Variants in CFAP299 observed in about 807,000 individuals in gnomAD.
The protein encoded by CFAP299 is cilia and flagella associated protein 299.
CFAP299 carries 21 observed loss-of-function variants against 27.0 expected under a neutral mutation model. That is an observed-to-expected ratio of 0.78 (90% CI 0.55 to 1.12). CFAP299 has a LOEUF of 1.12. Among genes scored for constraint, CFAP299 ranks in the 50% most tolerant of loss-of-function variants. The probability of loss-of-function intolerance (pLI) is 0.00; values close to 1 mark genes in which losing one functional copy is unlikely to be tolerated. For synonymous variants in CFAP299, 104 were observed against 98.1 expected (o/e 1.06, Z -0.36); for missense variants, 310 against 276.6 (o/e 1.12, Z -0.86).
At chr4:80,447,131 T>TTTTTTTTTTTG (rs1728663742) in intron 2 of CFAP299, among the ~76,000 whole-genome samples, 7 of 103,788 alleles carry the variant, frequency 6.7e-5, no homozygotes, top group African/African-American at 2.9e-4. Context: ...TTTTTTTTTG[T>TTTTTTTTTTTG]TTTTTTTTTT....
intron 2 of CFAP299, among the ~76,000 whole-genome samples, chr4:80,472,965 A>G (rs959386350): frequency 6.6e-6 from 1 of 152,314 alleles, no homozygotes; most frequent in East Asian, 1.9e-4. Flanking sequence ...TACTCAATTC[A>G]TTGAATCATG....
chr4:80,346,524 A>C (rs1201681611), intron 1 of CFAP299, among the ~76,000 whole-genome samples: 1 of 152,188 alleles, frequency 6.6e-6, no homozygotes, highest in Non-Finnish European at 1.5e-5. Context: ...CCATTTATTA[A>C]ATAGGGAATC....
At chr4:80,346,704 C>CA (rs1722748055) in intron 1 of CFAP299, among the ~76,000 whole-genome samples, 1 of 152,132 alleles carries the variant, frequency 6.6e-6, no homozygotes, top group East Asian at 1.9e-4. Context: ...AGTCAGGTAG[C>CA]ATGATGCCTC....
At chr4:80,324,076 G>A in the CFAP299 span, among the ~76,000 whole-genome samples, 960 of 152,142 alleles carry the variant, frequency 6.3e-3, 11 homozygotes, top group Non-Finnish European at 6.1e-3. Flanking sequence ...CTATCAACCC[G>A]TCATCTAGGT....
chr4:80,800,570 T>A (rs532759298), intron 3 of CFAP299, among the ~76,000 whole-genome samples: 1 of 58,202 alleles, frequency 1.7e-5, no homozygotes, highest in African/African-American at 8.3e-5. Context: ...TATAATATAT[T>A]AATATAAATA....
intron 3 of CFAP299, among the ~76,000 whole-genome samples, chr4:80,646,878 C>T (rs1560675509): frequency 1.3e-5 from 2 of 152,006 alleles, no homozygotes; most frequent in East Asian, 1.9e-4. Flanking sequence ...AGTTTTAGAA[C>T]GTATTCTTCG....
chr4:80,569,463 A>G (rs1735472805), intron 2 of CFAP299, among the ~76,000 whole-genome samples: 1 of 152,126 alleles, frequency 6.6e-6, no homozygotes. Context: ...AGACAAAAGA[A>G]GAAAAAGTTT....
chr4:80,638,707 T>A (rs1414124656), intron 3 of CFAP299, among the ~76,000 whole-genome samples: 1 of 152,154 alleles, frequency 6.6e-6, no homozygotes, highest in Non-Finnish European at 1.5e-5. Flanking sequence ...CTCTTTTAGT[T>A]CCTGTTAAAT....
At chr4:80,702,009 T>C (rs2110028071) in intron 3 of CFAP299, among the ~76,000 whole-genome samples, 1 of 151,982 alleles carries the variant, frequency 6.6e-6, no homozygotes, top group African/African-American at 2.4e-5. Flanking sequence ...TTGTATGTGG[T>C]TGGAATGATA....
At chr4:80,393,180 C>A (rs1323094566) in intron 2 of CFAP299, among the ~76,000 whole-genome samples, 1 of 151,634 alleles carries the variant, frequency 6.6e-6, no homozygotes, top group African/African-American at 2.4e-5. Context: ...AGAAAAATGC[C>A]TATAGAATCA....
chr4:80,375,613 G>A (rs1037127319), intron 2 of CFAP299, among the ~76,000 whole-genome samples: 3 of 152,224 alleles, frequency 2.0e-5, no homozygotes, highest in Non-Finnish European at 4.4e-5. Flanking sequence ...AATTCAAAAC[G>A]TTAATTGAGA....
chr4:80,359,337 C>A (rs887865397), intron 1 of CFAP299, among the ~76,000 whole-genome samples: 17 of 152,062 alleles, frequency 1.1e-4, no homozygotes, highest in Non-Finnish European at 1.9e-4. Flanking sequence ...CTGGGGTTCT[C>A]TGCATTTTCT....
At chr4:80,564,366 T>A (rs1735180404) in intron 2 of CFAP299, among the ~76,000 whole-genome samples, 1 of 151,996 alleles carries the variant, frequency 6.6e-6, no homozygotes, top group Non-Finnish European at 1.5e-5. Flanking sequence ...GATGCAAAGA[T>A]GTTTCAACAT....
intron 2 of CFAP299, among the ~76,000 whole-genome samples, chr4:80,454,906 G>A (rs922787247): frequency 1.3e-5 from 2 of 152,160 alleles, no homozygotes; most frequent in Admixed American, 6.5e-5. Context: ...TCCGGTTGGA[G>A]ATGAAATCAT....
In CFAP299 at chr4:80,902,591, A is replaced by ACACG. The variant is rs1248727187; in HGVS notation, c.476+32459_476+32460insGCAC. Among the ~76,000 whole-genome samples, 504 of 142,614 alleles carry ACACG rather than the reference A, an allele frequency of 3.5e-3. 2 individuals carry two copies. Among genetic ancestry groups the ACACG allele is most frequent in the Non-Finnish European group, 6.0e-3 (390 of 65,128 alleles). The allele number at this position is 142,614 out of a possible 152,430, so 93.6% of individuals were successfully genotyped here. A position where few individuals can be genotyped will look rare whatever the true frequency, so the allele number is the denominator to read the frequency against. ...ATCCATATATATGTAATATATACAC[A>ACACG]CACACACACACACACACACACACAC... is the stretch of plus-strand genomic sequence containing the variant. On this transcript the variant is annotated intron_variant, in intron 4 of 5. Coordinates refer to ENST00000358105, the MANE Select transcript of CFAP299 (RefSeq NM_152770.3).
intron 4 of CFAP299, among the ~76,000 whole-genome samples, chr4:80,937,087 C>T (rs1736926408): frequency 6.6e-6 from 1 of 151,620 alleles, no homozygotes; most frequent in Admixed American, 6.6e-5. Flanking sequence ...TCTGTTTCTT[C>T]CTTCAGTTCT....
intron 3 of CFAP299, among the ~76,000 whole-genome samples, chr4:80,855,180 A>G (rs952809834): frequency 6.6e-6 from 1 of 152,108 alleles, no homozygotes; most frequent in African/African-American, 2.4e-5. Context: ...TAGAAAATAT[A>G]AACAAAATCA....
Position 80,810,248 on chromosome 4 carries a change from C to T in CFAP299, c.334-59745C>T, listed in dbSNP as rs183761980. Among the ~76,000 whole-genome samples, 40 of 151,832 alleles carry T rather than the reference C, an allele frequency of 2.6e-4. No individual in the cohort carries two copies. In the East Asian group the frequency reaches 6.4e-3, roughly 24 times the overall value. On this transcript the variant is annotated intron_variant, in intron 3 of 5. Coordinates refer to ENST00000358105, the MANE Select transcript of CFAP299 (RefSeq NM_152770.3). ...ACAACATACTATTCATATTTGTTAA[C>T]GTTCCCTACCCAGCCCTTGAAGGAA... is the stretch of plus-strand genomic sequence containing the variant.
At chr4:80,658,406 A>G (rs1216743845) in intron 3 of CFAP299, among the ~76,000 whole-genome samples, 3 of 152,126 alleles carry the variant, frequency 2.0e-5, no homozygotes, top group Admixed American at 2.0e-4. Context: ...GGTACATTCC[A>G]TCAATGCCTA....
Sources: gnomAD v4.1 joint callset for allele counts (sites outside exome capture counted in the v4.1 genomes callset) on GRCh38, gnomAD v4.1.1 for gene constraint, MANE v1.5 for transcripts, NCBI Gene and HGNC (gene_info 2026-07-23, HGNC 2026-07-21) for gene names.